TOX3: variants seen among roughly 807,000 people sequenced by gnomAD.
TOX3 encodes the protein TOX high mobility group box family member 3.
TOX3 carries 22 observed loss-of-function variants against 64.3 expected under a neutral mutation model. The ratio of observed to expected loss-of-function variants is 0.34; its 90% CI spans 0.24 to 0.49. The LOEUF (loss-of-function observed/expected upper bound fraction) is 0.49. TOX3 is among the 20% of genes least tolerant of loss of function. The pLI, the probability that TOX3 is intolerant of heterozygous loss-of-function variation, is 0.99. For missense variants in TOX3, 661 were observed against 714.4 expected (o/e 0.93, Z 0.85); for synonymous variants, 291 against 273.6 (o/e 1.06, Z -0.63).
chr16:52,489,887 C>G (rs1961629132), intron 1 of TOX3, among the ~76,000 whole-genome samples: 1 of 152,114 alleles, frequency 6.6e-6, no homozygotes, highest in African/African-American at 2.4e-5. Flanking sequence ...ACACCAACAT[C>G]TTTCACATCA....
intron 4 of TOX3, among the ~76,000 whole-genome samples, chr16:52,450,067 T>C (rs1960287293): frequency 6.6e-6 from 1 of 152,230 alleles, no homozygotes; most frequent in Non-Finnish European, 1.5e-5. Flanking sequence ...ACAGCTATAG[T>C]AGGAGAAGCC....
At chr16:52,474,406 C>G (rs887168941) in intron 1 of TOX3, among the ~76,000 whole-genome samples, 1 of 152,004 alleles carries the variant, frequency 6.6e-6, no homozygotes, top group Non-Finnish European at 1.5e-5. Flanking sequence ...GACAAAGAGG[C>G]CTTTCGAAAA....
intron 1 of TOX3, among the ~76,000 whole-genome samples, chr16:52,476,362 T>C (rs1567325353): frequency 6.6e-6 from 1 of 152,134 alleles, no homozygotes; most frequent in Admixed American, 6.6e-5. Context: ...CTGGACTAGT[T>C]AAAAGTGGCA....
intron 1 of TOX3, among the ~76,000 whole-genome samples, chr16:52,515,250 T>G (rs551709032): frequency 6.6e-6 from 1 of 151,710 alleles, no homozygotes; most frequent in Non-Finnish European, 1.5e-5. Context: ...GAGGCATGCC[T>G]ATGGCCTTGT....
chr16:52,538,647 T>C (rs764378866), intron 1 of TOX3, among the ~76,000 whole-genome samples: 5 of 152,102 alleles, frequency 3.3e-5, no homozygotes, highest in African/African-American at 4.8e-5. Flanking sequence ...GAATTTAGAG[T>C]AAAAACTCAA....
chr16:52,453,807 T>A (rs955294546), intron 3 of TOX3, among the ~76,000 whole-genome samples: 1 of 152,224 alleles, frequency 6.6e-6, no homozygotes, highest in African/African-American at 2.4e-5. Flanking sequence ...TGTCAGCCCT[T>A]CCTGAATTCC....
At chr16:52,520,898 C>T (rs1416715513) in intron 1 of TOX3, among the ~76,000 whole-genome samples, 1 of 152,032 alleles carries the variant, frequency 6.6e-6, no homozygotes. Context: ...TTAATTCATG[C>T]ATTTGCATAA....
chr16:52,499,895 A>G (rs1236087256), intron 1 of TOX3, among the ~76,000 whole-genome samples: 1 of 152,212 alleles, frequency 6.6e-6, no homozygotes, highest in Non-Finnish European at 1.5e-5. Context: ...TCAGGTTCTG[A>G]GAGTGTACAA....
intron 1 of TOX3, among the ~76,000 whole-genome samples, chr16:52,534,884 G>T (rs1386791108): frequency 6.6e-6 from 1 of 152,124 alleles, no homozygotes. Context: ...ATTTTGAAAA[G>T]AAGAGAAATT....
intron 1 of TOX3, among the ~76,000 whole-genome samples, chr16:52,544,440 T>C (rs1334632831): frequency 6.6e-6 from 1 of 152,238 alleles, no homozygotes; most frequent in African/African-American, 2.4e-5. Flanking sequence ...AGTTATATTT[T>C]TACTTGCAAG....
chr16:52,457,979 C>T lies in TOX3; in HGVS notation c.408+5955G>A, dbSNP rs530849111. 2.0e-5 allele frequency among the ~76,000 whole-genome samples: 3 copies of T among 152,198 alleles called. No individual in the cohort carries two copies. The South Asian group carries it at 6.2e-4, about 32-fold the overall frequency. On this transcript the variant is annotated intron_variant, in intron 3 of 6. Coordinates refer to ENST00000219746, the MANE Select transcript of TOX3 (RefSeq NM_001080430.4). ...AAAATTTTCAAGAGTTTATTATGAA[C>T]ACTTAATGGTAGTTTACTCATGTAC...
chr16:52,450,239 T>A (rs778798211), intron 4 of TOX3, 38 bp downstream of exon 4: 31 of 1,611,044 alleles, frequency 1.9e-5, no homozygotes, highest in African/African-American at 2.7e-5. Flanking sequence ...AATCCCATAT[T>A]CTCTGGCAGG....
chr16:52,505,893 T>C (rs1172658138), intron 1 of TOX3, among the ~76,000 whole-genome samples: 1 of 152,102 alleles, frequency 6.6e-6, no homozygotes, highest in Non-Finnish European at 1.5e-5. Flanking sequence ...GGAGGATTGA[T>C]TGAGCCCAAG....
rs1485165824 is a variant in TOX3 at position 52,438,536 on chromosome 16, G to C, written c.*689C>G. 6.5e-6 allele frequency: 1 copy of C among 154,138 alleles called. No homozygotes were observed. Among genetic ancestry groups the C allele is most frequent in the African/African-American group, 2.4e-5 (1 of 41,380 alleles). 9.5% of individuals were successfully genotyped at this position (154,138 alleles called of 1,614,324 possible). On this transcript the variant is annotated 3_prime_UTR_variant, in exon 7 of 7. Transcript: ENST00000219746. ...TTCTTCTAATTGGAATGAATATAATGGGCTAACAGTGGTCATAGATATTGT... is the reference window on the plus strand; with the variant it reads ...TTCTTCTAATTGGAATGAATATAATCGGCTAACAGTGGTCATAGATATTGT...
intron 1 of TOX3, among the ~76,000 whole-genome samples, chr16:52,499,076 G>A (rs918152998): frequency 6.6e-6 from 1 of 152,094 alleles, no homozygotes; most frequent in Non-Finnish European, 1.5e-5. Flanking sequence ...TGATTATTCC[G>A]TAATAGTGAA....
chr16:52,535,006 C>T (rs1181627132), intron 1 of TOX3, among the ~76,000 whole-genome samples: 1 of 152,134 alleles, frequency 6.6e-6, no homozygotes, highest in East Asian at 1.9e-4. Context: ...AATCCCAAAA[C>T]TGAAGAAAGG....
chr16:52,439,314 C>G lies in TOX3; in HGVS notation c.1642G>C (p.Gly548Arg). Residue 548 changes from glycine to arginine, a missense_variant, in exon 7 of 7, where the codon GGG becomes CGG. This residue lies in a region of TOX3 where 299 missense variants were observed against 292.1 expected (regional missense o/e 1.02). Coordinates refer to ENST00000219746, the MANE Select transcript of TOX3 (RefSeq NM_001080430.4). ...SQITSPIPAI[G>R]SPQPASQQHQ... Reference sequence around the variant, plus strand: ...TGCTGAGAGGCTGGCTGGGGGCTCCCGATGGCAGGGATGGGGGATGTTATC... The same window carrying G: ...TGCTGAGAGGCTGGCTGGGGGCTCCGGATGGCAGGGATGGGGGATGTTATC... 1 of 1,613,414 alleles carries G rather than the reference C, an allele frequency of 6.2e-7. No individual in the cohort carries two copies. Among genetic ancestry groups the G allele is most frequent in the Non-Finnish European group, 8.5e-7 (1 of 1,179,596 alleles).
chr16:52,545,815 C>T (rs544676171), intron 1 of TOX3, among the ~76,000 whole-genome samples: 9 of 152,266 alleles, frequency 5.9e-5, no homozygotes, highest in African/African-American at 2.2e-4. Flanking sequence ...AGGGCTGCGA[C>T]TCTCGCCCGC....
chr16:52,476,667 A>G (rs966119169), intron 1 of TOX3, among the ~76,000 whole-genome samples: 3 of 152,176 alleles, frequency 2.0e-5, no homozygotes, highest in Non-Finnish European at 2.9e-5. Flanking sequence ...AAGTGACTAC[A>G]TCTTTTGTGT....
Sources: allele counts gnomAD v4.1 joint callset (sites outside exome capture counted in the v4.1 genomes callset), GRCh38; gene constraint gnomAD v4.1.1; regional missense constraint gnomAD v4.1.1; transcripts MANE v1.5; gene names NCBI Gene and HGNC (gene_info 2026-07-23, HGNC 2026-07-21).